The following KAZN variants were observed in gnomAD, a reference collection of about 807,000 sequenced individuals.
KAZN encodes the protein kazrin.
Under a neutral mutation model 87.4 loss-of-function variants are expected in KAZN, and 40 were observed. The ratio of observed to expected loss-of-function variants is 0.46; its 90% CI spans 0.36 to 0.60. The LOEUF is 0.60. Among genes scored for constraint, KAZN ranks in the 20% least tolerant of loss-of-function variants. The pLI, the probability that KAZN is intolerant of heterozygous loss-of-function variation, is 0.00. For synonymous variants in KAZN, 466 were observed against 458.3 expected (o/e 1.02, Z -0.22); for missense variants, 898 against 1,073.9 (o/e 0.84, Z 2.29).
At chr1:14,575,702 A>C (rs1320319393) in intron 2 of KAZN, among the ~76,000 whole-genome samples, 1 of 152,196 alleles carries the variant, frequency 6.6e-6, no homozygotes, top group Non-Finnish European at 1.5e-5. Flanking sequence ...CAATTAAAAG[A>C]GTCAGGAGGT....
chr1:13,930,884 A>AG (rs978138348), intron 1 of KAZN, among the ~76,000 whole-genome samples: 1 of 152,158 alleles, frequency 6.6e-6, no homozygotes, highest in African/African-American at 2.4e-5. Context: ...AGTGGTCCTT[A>AG]GGGGGTCCTG....
chr1:14,035,336 C>T (rs1398358801), intron 1 of KAZN, among the ~76,000 whole-genome samples: 1 of 152,076 alleles, frequency 6.6e-6, no homozygotes, highest in East Asian at 1.9e-4. Context: ...TAACAGTGTT[C>T]CTAGATGGAG....
At chr1:14,833,684 G>T (rs1647120279) in intron 1 of KAZN, among the ~76,000 whole-genome samples, 1 of 152,090 alleles carries the variant, frequency 6.6e-6, no homozygotes, top group African/African-American at 2.4e-5. Flanking sequence ...TCTTGTTGAT[G>T]TACAGGTGCC....
At chr1:14,498,614 C>G (rs1670077806) in intron 2 of KAZN, among the ~76,000 whole-genome samples, 1 of 152,066 alleles carries the variant, frequency 6.6e-6, no homozygotes, top group Non-Finnish European at 1.5e-5. Context: ...GTCACTTGAG[C>G]CCTGGAGGCG....
chr1:14,348,008 C>A (rs1370993998), intron 2 of KAZN, among the ~76,000 whole-genome samples: 1 of 150,584 alleles, frequency 6.6e-6, no homozygotes, highest in East Asian at 2.0e-4. Context: ...ACCTCAGCCT[C>A]CTGAGAGCTG....
At chr1:14,445,312 C>T (rs1666920973) in intron 2 of KAZN, among the ~76,000 whole-genome samples, 1 of 152,178 alleles carries the variant, frequency 6.6e-6, no homozygotes, top group Admixed American at 6.5e-5. Context: ...AGGCATGAGC[C>T]ACTGCACCCG....
At chr1:14,610,223 TTTGA>T (rs959414324) in intron 1 of KAZN, among the ~76,000 whole-genome samples, 5 of 149,434 alleles carry the variant, frequency 3.3e-5, no homozygotes, top group Non-Finnish European at 5.9e-5. Context: ...TGTTTGTTTG[TTTGA>T]GACAGAGTCT....
At chr1:14,884,600 G>A (rs889690036) in intron 1 of KAZN, among the ~76,000 whole-genome samples, 5 of 152,190 alleles carry the variant, frequency 3.3e-5, no homozygotes, top group African/African-American at 7.2e-5. Context: ...GTGCATTTTC[G>A]AAGGTCGTTT....
chr1:14,472,042 A>T (rs1388295766), intron 2 of KAZN, among the ~76,000 whole-genome samples: 1 of 152,158 alleles, frequency 6.6e-6, no homozygotes, highest in Non-Finnish European at 1.5e-5. Context: ...GTGTCTGGTG[A>T]GGGCTCACGT....
At position 14,277,629 on chromosome 1, in the gene KAZN, C is replaced by A. The variant is rs572678614; in HGVS notation, c.249+97037C>A. ...AGTGAGCCAAGATCGTGCCATTGCA[C>A]TCCAGCCTGGTGACAGAGCGAGACT... On this transcript the variant is annotated intron_variant, in intron 2 of 16. Coordinates refer to the KAZN transcript ENST00000636203. Among the ~76,000 whole-genome samples, 6 of 150,092 alleles carry A rather than the reference C, an allele frequency of 4.0e-5. No individual in the cohort carries two copies. In the South Asian group the frequency reaches 1.3e-3, roughly 32 times the overall value.
chr1:14,891,608 A>G (rs905143013), intron 1 of KAZN, among the ~76,000 whole-genome samples: 2 of 152,214 alleles, frequency 1.3e-5, no homozygotes, highest in Non-Finnish European at 2.9e-5. Flanking sequence ...ATTTATTTAC[A>G]TGGGAAAATG....
At chr1:14,970,362 G>A (rs565774926) in intron 2 of KAZN, among the ~76,000 whole-genome samples, 32 of 152,232 alleles carry the variant, frequency 2.1e-4, no homozygotes, top group Admixed American at 1.6e-3. Flanking sequence ...TGCAAGGCCA[G>A]GCTCCTTGGC....
At chr1:14,485,633 A>G (rs1318032811) in intron 2 of KAZN, among the ~76,000 whole-genome samples, 1 of 152,098 alleles carries the variant, frequency 6.6e-6, no homozygotes, top group Admixed American at 6.6e-5. Context: ...GGTGGCTCAC[A>G]CCTGTAATCC....
At chr1:14,337,893 C>CA (rs34909839) in intron 2 of KAZN, among the ~76,000 whole-genome samples, 5,702 of 100,378 alleles carry the variant, frequency 0.057, 155 homozygotes, top group Middle Eastern at 0.13. Context: ...GACTCTGTCT[C>CA]AAAAAAAAAA....
chr1:14,133,377 AAAAGAAAGAAAGAAAGAAAGAAAGAAAG>A (rs149462642), intron 1 of KAZN, among the ~76,000 whole-genome samples: 1 of 72,060 alleles, frequency 1.4e-5, no homozygotes, highest in African/African-American at 7.3e-5. Context: ...AAAAAAAAAA[AAAAGAAAGAAAGAAAGAAAGAAAGAAAG>A]AAAGAAAGAA....
intron 2 of KAZN, among the ~76,000 whole-genome samples, chr1:15,024,305 C>T (rs919759905): frequency 2.0e-5 from 3 of 152,196 alleles, no homozygotes; most frequent in Non-Finnish European, 2.9e-5. Context: ...AATGTGGATT[C>T]ACACTCAGAG....
At chr1:14,751,152 T>C (rs1644403390) in intron 1 of KAZN, among the ~76,000 whole-genome samples, 1 of 152,222 alleles carries the variant, frequency 6.6e-6, no homozygotes, top group Non-Finnish European at 1.5e-5. Flanking sequence ...TCATACATGC[T>C]CATTTTATGT....
At chr1:14,172,931 C>G (rs1645986562) in intron 1 of KAZN, among the ~76,000 whole-genome samples, 1 of 152,160 alleles carries the variant, frequency 6.6e-6, no homozygotes, top group African/African-American at 2.4e-5. Context: ...GTATGGCGGT[C>G]TCAGGTGCCT....
At chr1:14,438,069 A>G (rs1162709415) in intron 2 of KAZN, among the ~76,000 whole-genome samples, 2 of 148,382 alleles carry the variant, frequency 1.3e-5, no homozygotes, top group Non-Finnish European at 3.0e-5. Flanking sequence ...ACTTCAAGAA[A>G]GGTCAAAAAG....
Sources: allele counts gnomAD v4.1 joint callset (sites outside exome capture counted in the v4.1 genomes callset), GRCh38; gene constraint gnomAD v4.1.1; transcripts MANE v1.5; gene names NCBI Gene and HGNC (gene_info 2026-07-23, HGNC 2026-07-21).